The following SLC13A5 variants were observed in gnomAD, a reference collection of about 807,000 sequenced individuals.
SLC13A5 encodes Na(+)/citrate cotransporter.
SLC13A5 carries 25 observed loss-of-function variants against 56.5 expected under a neutral mutation model. The observed-to-expected ratio is 0.44, with a 90% CI of 0.32 to 0.62. SLC13A5 has a LOEUF of 0.62. Ranked by LOEUF, SLC13A5 falls within the 20% of genes least tolerant of loss-of-function variation. The probability of loss-of-function intolerance (pLI) is 0.04; values close to 1 mark genes in which losing one functional copy is unlikely to be tolerated. For missense variants in SLC13A5, 649 were observed against 737.8 expected (o/e 0.88, Z 1.39); for synonymous variants, 307 against 301.5 (o/e 1.02, Z -0.19).
intron 1 of SLC13A5, among the ~76,000 whole-genome samples, chr17:6,710,805 G>A (rs1424405556): frequency 6.6e-6 from 1 of 151,846 alleles, no homozygotes; most frequent in African/African-American, 2.4e-5. Flanking sequence ...GAGAGAGAGA[G>A]ATTCATCTGG....
Position 6,685,080 on chromosome 17 carries a change from C to T in SLC13A5, c.*1127G>A, listed in dbSNP as rs1030642705. 1 of 152,214 alleles carries T rather than the reference C, an allele frequency of 6.6e-6. No homozygotes were observed. The highest frequency in any genetic ancestry group is 2.4e-5 in the African/African-American group (1 of 41,444). 9.4% of individuals were successfully genotyped at this position (152,214 alleles called of 1,614,324 possible). The stretch of plus-strand genomic sequence containing the variant: ...TTGGCCCACGGGCAGGGGTTGTTTG[C>T]TGAGAGATCACCAAGCGCTGCTCAA... On this transcript the variant is annotated 3_prime_UTR_variant, in exon 12 of 12. Transcript: ENST00000433363. The surrounding 1 kb of genome is among the most constrained non-coding windows in gnomAD (Gnocchi z 4.2).
chr17:6,696,006 A>C, intron 6 of SLC13A5, 65 bp from the exon 7 acceptor site: 1 of 1,449,022 alleles, frequency 6.9e-7, no homozygotes, highest in Non-Finnish European at 9.6e-7. Context: ...GGTCAGATGG[A>C]GCCTAAATGT....
At chr17:6,699,347 C>T (rs1973648655) in intron 6 of SLC13A5, among the ~76,000 whole-genome samples, 1 of 152,074 alleles carries the variant, frequency 6.6e-6, no homozygotes, top group African/African-American at 2.4e-5. Context: ...GCTGGGTGGC[C>T]AGGCAGCCAT....
intron 7 of SLC13A5, chr17:6,695,422 C>T: frequency 3.8e-6 from 1 of 260,932 alleles, no homozygotes; most frequent in Non-Finnish European, 7.4e-6. Flanking sequence ...CGGAGTCTCT[C>T]TCTGTTGCCC....
At position 6,690,804 on chromosome 17, in the gene SLC13A5, A is replaced by C; in HGVS notation, c.1412T>G (p.Leu471Trp). 6.2e-7 allele frequency: 1 copy of C among 1,614,216 alleles called. No homozygotes were observed. The highest frequency in any genetic ancestry group is 8.5e-7 in the Non-Finnish European group (1 of 1,180,036). ...CATGGAGGCAAAGATGGGCAGGAAC[A>C]AGGTGGTGGTGGCCACGTTGCTTGT... is the stretch of plus-strand genomic sequence containing the variant. ...ECTSNVATTT[L>W]FLPIFASMSR... The change falls in exon 10 of 12, where the codon TTG becomes TGG. Residue 471 changes from leucine (L) to tryptophan (W), a missense_variant. Physicochemically the swap from Leu to Trp is moderately conservative, Grantham distance 61 (BLOSUM62 -2). Transcript: ENST00000433363.
chr17:6,701,593 C>T lies in SLC13A5; in HGVS notation c.717-467G>A, dbSNP rs573132135. 3.3e-5 allele frequency among the ~76,000 whole-genome samples: 5 copies of T among 152,240 alleles called. No homozygotes were observed. The highest frequency in any genetic ancestry group is 1.2e-4 in the African/African-American group (5 of 41,554). On this transcript the variant is annotated intron_variant, in intron 5 of 11. Transcript: ENST00000433363. The surrounding 1 kb of genome is among the most constrained non-coding windows in gnomAD (Gnocchi z 4.1). ...GGCATGGTGGCGGGCGCCTGTAATC[C>T]CAGCTAATAGGGAGGCTGAAGCGGG...
chr17:6,701,804 G>A lies in SLC13A5; in HGVS notation c.717-678C>T, dbSNP rs1347663429. Among the ~76,000 whole-genome samples the A allele has an allele frequency of 6.6e-6, 1 of 152,224 alleles. No homozygotes were observed. ...GCAGAGACCTCAGCAATCTCGCTCT[G>A]TGGGTTTCTGCAAAGAACGGTCCCC... On this transcript the variant is annotated intron_variant, in intron 5 of 11. Coordinates refer to ENST00000433363, the MANE Select transcript of SLC13A5 (RefSeq NM_177550.5). The surrounding 1 kb of genome is among the most constrained non-coding windows in gnomAD (Gnocchi z 4.1).
intron 10 of SLC13A5, 140 bp downstream of exon 10, chr17:6,690,639 A>G (rs1162166158): frequency 2.5e-6 from 3 of 1,206,966 alleles, no homozygotes; most frequent in Non-Finnish European, 3.6e-6. Flanking sequence ...AGGGTCCACA[A>G]ATCCACGTCA....
At chr17:6,689,216 C>T (rs1301183442) in intron 10 of SLC13A5, 2 of 152,202 alleles carry the variant, frequency 1.3e-5, no homozygotes, top group East Asian at 3.9e-4. Flanking sequence ...CTGCGCAAGT[C>T]CCACGCCCCC....
At chr17:6,696,948 G>T (rs218670) in intron 6 of SLC13A5, among the ~76,000 whole-genome samples, 1 of 152,136 alleles carries the variant, frequency 6.6e-6, no homozygotes, top group Non-Finnish European at 1.5e-5. Flanking sequence ...ATGGTGGCTT[G>T]GCCTGGAACA....
Position 6,706,736 on chromosome 17 carries a change from C to G in SLC13A5, c.274G>C (p.Gly92Arg). The G allele has an allele frequency of 6.2e-7, 1 of 1,614,108 alleles. No homozygotes were observed. Among genetic ancestry groups the G allele is most frequent in the Non-Finnish European group, 8.5e-7 (1 of 1,180,010 alleles). Residue 92 changes from glycine (G) to arginine (R), a missense_variant, in exon 3 of 12, where the codon GGC becomes CGC. Coordinates refer to ENST00000433363, the MANE Select transcript of SLC13A5 (RefSeq NM_177550.5). ...YMKDTNMLFL[G>R]GLIVAVAVER... ...ACAGCCACGGCCACGATGAGGCCGC[C>G]CAGGAACAGCATGTTGGTGTCCTTC...
intron 3 of SLC13A5, 61 bp downstream of exon 3, chr17:6,706,581 C>T: frequency 1.3e-6 from 2 of 1,585,838 alleles, no homozygotes; most frequent in Admixed American, 3.5e-5. Context: ...CCATCCTCCA[C>T]CCCCTTCCAG....
rs765709852 is a variant in SLC13A5 at position 6,690,886 on chromosome 17, G to A, written c.1330C>T (p.Pro444Ser). The change falls in exon 10 of 12, where the codon CCC becomes TCC. Residue 444 changes from proline to serine, a missense_variant. Coordinates refer to ENST00000433363, the MANE Select transcript of SLC13A5 (RefSeq NM_177550.5). ...AAGATCAAGGTGATGGCTGCCGGGGGCACTGCGTGCAAGGGCTCCATCTGC... is the reference window on the plus strand; with the variant it reads ...AAGATCAAGGTGATGGCTGCCGGGGACACTGCGTGCAAGGGCTCCATCTGC... The part of the protein sequence containing the change: ...GKQMEPLHAV[P>S]PAAITLILSL... 20 of 1,614,022 alleles carry A rather than the reference G, an allele frequency of 1.2e-5. No homozygotes were observed. In the Admixed American group the frequency reaches 2.3e-4, roughly 19 times the overall value.
At chr17:6,702,656 C>T (rs1310729024) in intron 5 of SLC13A5, among the ~76,000 whole-genome samples, 3 of 152,252 alleles carry the variant, frequency 2.0e-5, no homozygotes, top group Non-Finnish European at 4.4e-5. Flanking sequence ...GTTCAATCCA[C>T]ACTCCCTCTC....
At chr17:6,704,504 A>C (rs1172473582) in intron 3 of SLC13A5, 2 of 334,838 alleles carry the variant, frequency 6.0e-6, no homozygotes, top group East Asian at 1.5e-4. Context: ...CCACCCCCAA[A>C]CTCTGTTGCA....
chr17:6,708,190 G>A (rs750532680), intron 1 of SLC13A5, among the ~76,000 whole-genome samples: 25 of 152,176 alleles, frequency 1.6e-4, no homozygotes, highest in Admixed American at 1.1e-3. Context: ...GGCTGATCTC[G>A]AACTCCTGAC....
intron 6 of SLC13A5, among the ~76,000 whole-genome samples, chr17:6,698,650 C>T (rs536132897): frequency 7.2e-5 from 11 of 152,248 alleles, no homozygotes; most frequent in Non-Finnish European, 1.6e-4. Flanking sequence ...GTGTTGACCA[C>T]ATCACCTCTC....
At chr17:6,690,098 A>C (rs218694) in intron 10 of SLC13A5, 4 of 135,554 alleles carry the variant, frequency 3.0e-5, no homozygotes, top group African/African-American at 8.6e-5. Context: ...AAAAAAAACC[A>C]TAGCCACTGA....
At chr17:6,712,174 G>T (rs551833908) in intron 1 of SLC13A5, among the ~76,000 whole-genome samples, 2 of 152,316 alleles carry the variant, frequency 1.3e-5, no homozygotes, top group South Asian at 2.1e-4. Context: ...TTGCAGGTTG[G>T]CTTCCTGACA....
Sources: gnomAD v4.1 joint callset for allele counts (sites outside exome capture counted in the v4.1 genomes callset) on GRCh38, gnomAD v4.1.1 for gene constraint, Gnocchi (gnomAD v3.1) non-coding constraint, MANE v1.5 for transcripts, NCBI Gene and HGNC (gene_info 2026-07-23, HGNC 2026-07-21) for gene names.